Variants in EFTUD2 observed in about 807,000 individuals in gnomAD.
EFTUD2 encodes the protein elongation factor Tu GTP binding domain containing 2.
A neutral mutation model predicts 114.3 loss-of-function variants in EFTUD2; 9 were observed. That is an observed-to-expected ratio of 0.08 (90% CI 0.05 to 0.14). The LOEUF is 0.14. EFTUD2 is among the 10% of genes least tolerant of loss of function. EFTUD2 has a pLI of 1.00. For synonymous variants in EFTUD2, 449 were observed against 462.3 expected (o/e 0.97, Z 0.37); for missense variants, 765 against 1,241.2 (o/e 0.62, Z 5.76).
chr17:44,877,362 C>T (rs1478104511), intron 9 of EFTUD2, among the ~76,000 whole-genome samples: 4 of 152,232 alleles, frequency 2.6e-5, no homozygotes, highest in Non-Finnish European at 4.4e-5. Context: ...AAGGAGCTCT[C>T]AGTAGCCAAA....
At chr17:44,880,080 A>C in intron 8 of EFTUD2, among the ~76,000 whole-genome samples, 1 of 152,196 alleles carries the variant, frequency 6.6e-6, no homozygotes, top group Non-Finnish European at 1.5e-5. Flanking sequence ...TGGTGCCAAG[A>C]AAGCAAATCA....
chr17:44,883,981 A>T, intron 4 of EFTUD2: 1 of 458,638 alleles, frequency 2.2e-6, no homozygotes, highest in Non-Finnish European at 4.0e-6. Flanking sequence ...AAAAAGGAAG[A>T]AGAGGCTGGG....
At chr17:44,851,447 C>T in intron 27 of EFTUD2, 78 bp from the exon 28 acceptor site, 2 of 1,235,574 alleles carry the variant, frequency 1.6e-6, no homozygotes, top group Non-Finnish European at 2.4e-6. Flanking sequence ...GACCTGTGTT[C>T]AGTGGGGAGG....
Position 44,851,192 on chromosome 17 carries a change from G to A in EFTUD2, c.*82C>T, listed in dbSNP as rs1481601181. On this transcript the variant is annotated 3_prime_UTR_variant, in exon 28 of 28. Transcript: ENST00000426333. ...CCAGACACTCTCTGACAACACGAAGGCCACGTCATATGAGGTCTCAGCTTC... is the reference window on the plus strand; with the variant it reads ...CCAGACACTCTCTGACAACACGAAGACCACGTCATATGAGGTCTCAGCTTC... 1.7e-6 allele frequency: 2 copies of A among 1,151,358 alleles called. No individual in the cohort carries two copies. The highest frequency in any genetic ancestry group is 3.0e-5 in the African/African-American group (2 of 65,942). 71.3% of individuals were successfully genotyped at this position (1,151,358 alleles called of 1,614,324 possible).
At position 44,867,974 on chromosome 17, in the gene EFTUD2, C is replaced by T. The variant is rs536872324; in HGVS notation, c.1059-77G>A. ...GATCCCAAGAGGCATTGTCTAAGTG[C>T]TGAATCTGAACAACAGCCCAGGGGA... On this transcript the variant is annotated intron_variant, in intron 12 of 27. Transcript: ENST00000426333. 4.4e-6 allele frequency: 6 copies of T among 1,365,434 alleles called. No individual in the cohort carries two copies. The South Asian group carries it at 7.1e-5, about 16-fold the overall frequency. The allele number at this position is 1,365,434 out of a possible 1,614,324, so 84.6% of individuals were successfully genotyped here.
chr17:44,851,406 T>C (rs748509447), intron 27 of EFTUD2, 37 bp from the exon 28 acceptor site: 2 of 1,548,582 alleles, frequency 1.3e-6, no homozygotes, highest in Non-Finnish European at 8.9e-7. Flanking sequence ...AAGCCCGAGG[T>C]GGTCGCAGAC....
Position 44,850,456 on chromosome 17 carries a change from A to G in EFTUD2, c.*818T>C, listed in dbSNP as rs2050427158. On this transcript the variant is annotated 3_prime_UTR_variant, in exon 28 of 28. Coordinates refer to ENST00000426333, the MANE Select transcript of EFTUD2 (RefSeq NM_004247.4). ...TAACTCAATCCCTGGTACATTCCTA[A>G]TAAAGCAGTTTTGAGGAAAATCAAC... is the stretch of plus-strand genomic sequence containing the variant. 11 of 1,301,036 alleles carry G rather than the reference A, an allele frequency of 8.5e-6. No individual in the cohort carries two copies. Among genetic ancestry groups the G allele is most frequent in the African/African-American group, 1.4e-5 (1 of 69,140 alleles). 80.6% of individuals were successfully genotyped at this position (1,301,036 alleles called of 1,614,324 possible). A position where few individuals can be genotyped will look rare whatever the true frequency, so the allele number is the denominator to read the frequency against.
Position 44,894,533 on chromosome 17 carries a change from T to C in EFTUD2, c.-4-8A>G. On this transcript the variant is annotated splice_polypyrimidine_tract_variant and splice_region_variant and intron_variant, in intron 1 of 27. Coordinates refer to ENST00000426333, the MANE Select transcript of EFTUD2 (RefSeq NM_004247.4). Reference sequence around the variant, plus strand: ...AAGTCGGTATCCATGATGCTAAAATTCAAGGAGAGAAGAGTTAGATTCTGA... The same window carrying C: ...AAGTCGGTATCCATGATGCTAAAATCCAAGGAGAGAAGAGTTAGATTCTGA... 6.2e-7 allele frequency: 1 copy of C among 1,602,620 alleles called. No individual in the cohort carries two copies. The highest frequency in any genetic ancestry group is 8.5e-7 in the Non-Finnish European group (1 of 1,169,998).
chr17:44,863,588 G>T, intron 15 of EFTUD2, 67 bp downstream of exon 15: 1 of 1,568,772 alleles, frequency 6.4e-7, no homozygotes, highest in Non-Finnish European at 8.7e-7. Context: ...CCTGTGACCA[G>T]AAATCAGTAT....
intron 8 of EFTUD2, 74 bp from the exon 9 acceptor site, chr17:44,879,712 G>A: frequency 6.8e-7 from 1 of 1,479,118 alleles, no homozygotes; most frequent in Non-Finnish European, 9.3e-7. Flanking sequence ...GTGAACTGAG[G>A]GGGCACTTCA....
In EFTUD2 at chr17:44,863,763, C is replaced by T. The variant is rs369436981; in HGVS notation, c.1305G>A (p.Val435=). 261 of 1,614,014 alleles carry T rather than the reference C, an allele frequency of 1.6e-4. No individual in the cohort carries two copies. Among genetic ancestry groups the T allele is most frequent in the Non-Finnish European group, 2.0e-4 (234 of 1,179,988 alleles). ...CCACCTTTGGAGAAGGGATATGCTG[C>T]ACACACATGTCCACAAAGCCTGTGG... ...GEFTGFVDMC[V]QHIPSPKVGA... The change falls in exon 15 of 28, where the codon GTG becomes GTA. Residue 435 remains valine, a synonymous_variant. Transcript: ENST00000426333.
intron 14 of EFTUD2, 133 bp downstream of exon 14, chr17:44,864,797 G>T (rs2050716176): frequency 7.4e-7 from 1 of 1,351,344 alleles, no homozygotes; most frequent in Non-Finnish European, 1.0e-6. Flanking sequence ...CCAGTGTTCT[G>T]CATCTGAATC....
At chr17:44,883,359 T>G (rs1273003286) in intron 5 of EFTUD2, among the ~76,000 whole-genome samples, 6 of 152,148 alleles carry the variant, frequency 3.9e-5, no homozygotes, top group Non-Finnish European at 7.3e-5. Context: ...TAGACAGGCA[T>G]CCCTCAGGAA....
At chr17:44,893,120 AT>A (rs71363505) in intron 2 of EFTUD2, among the ~76,000 whole-genome samples, 18,687 of 140,236 alleles carry the variant, frequency 0.13, 1,073 homozygotes, top group East Asian at 0.25. Flanking sequence ...CTCAACAGTC[AT>A]TTTTTTTTTT....
At chr17:44,867,945 C>T in intron 12 of EFTUD2, 48 bp from the exon 13 acceptor site, 3 of 1,502,850 alleles carry the variant, frequency 2.0e-6, no homozygotes, top group Non-Finnish European at 2.7e-6. Context: ...AAGGCACTAT[C>T]ACTGATCCCA....
intron 10 of EFTUD2, among the ~76,000 whole-genome samples, chr17:44,875,401 G>T (rs548499379): frequency 6.6e-6 from 1 of 152,070 alleles, no homozygotes; most frequent in African/African-American, 2.4e-5. Flanking sequence ...GTGGTGACGG[G>T]TGCCTGTAGT....
intron 10 of EFTUD2, among the ~76,000 whole-genome samples, chr17:44,874,984 A>G (rs1264569603): frequency 2.0e-5 from 3 of 152,216 alleles, no homozygotes; most frequent in Admixed American, 6.5e-5. Flanking sequence ...TGTTAGGCAA[A>G]TATTATTCCT....
intron 2 of EFTUD2, among the ~76,000 whole-genome samples, chr17:44,889,203 A>C (rs935855147): frequency 6.6e-6 from 1 of 152,148 alleles, no homozygotes; most frequent in Non-Finnish European, 1.5e-5. Context: ...CTGGGAACTG[A>C]CCTTGGGATT....
Position 44,879,259 on chromosome 17 carries a change from T to C in EFTUD2, c.702+297A>G, listed in dbSNP as rs147259365. On this transcript the variant is annotated intron_variant, in intron 9 of 27. Coordinates refer to ENST00000426333, the MANE Select transcript of EFTUD2 (RefSeq NM_004247.4). ...GGTCACCACACCTGGCTAATTTTTG[T>C]ATTTTTGGTAGAGACGGGGTTTCGC... Among the ~76,000 whole-genome samples, 125 of 152,260 alleles carry C rather than the reference T, an allele frequency of 8.2e-4. 1 individual carries two copies. Among genetic ancestry groups the C allele is most frequent in the African/African-American group, 2.8e-3 (117 of 41,560 alleles).
Sources: gnomAD v4.1 joint callset for allele counts (sites outside exome capture counted in the v4.1 genomes callset) on GRCh38, gnomAD v4.1.1 for gene constraint, MANE v1.5 for transcripts, NCBI Gene and HGNC (gene_info 2026-07-23, HGNC 2026-07-21) for gene names.